PRKACB: variants seen among roughly 807,000 people sequenced by gnomAD.
PRKACB encodes the protein protein kinase cAMP-activated catalytic subunit beta, also known as cAMP-dependent protein kinase catalytic subunit beta.
Under a neutral mutation model 51.4 loss-of-function variants are expected in PRKACB, and 16 were observed. That is an observed-to-expected ratio of 0.31 (90% CI 0.21 to 0.47). The LOEUF is 0.47. Among genes scored for constraint, PRKACB ranks in the 20% least tolerant of loss-of-function variants. PRKACB has a pLI of 1.00. For missense variants in PRKACB, 309 were observed against 464.5 expected, an observed-to-expected ratio of 0.67 and a Z score of 3.08; for synonymous variants, 147 against 154.4, an observed-to-expected ratio of 0.95 and a Z score of 0.35.
At chr1:84,149,666 ATAATT>A (rs1408170619) in intron 1 of PRKACB, among the ~76,000 whole-genome samples, 2 of 152,192 alleles carry the variant, frequency 1.3e-5, no homozygotes, top group African/African-American at 4.8e-5. Context: ...AGGATATACT[ATAATT>A]TATTTAACCA....
chr1:84,133,638 T>G (rs1323227240), intron 1 of PRKACB, among the ~76,000 whole-genome samples: 1 of 152,168 alleles, frequency 6.6e-6, no homozygotes, highest in Non-Finnish European at 1.5e-5. Flanking sequence ...TTTACTCGGC[T>G]TCACTCGCTC....
chr1:84,081,540 C>T (rs888289312), intron 1 of PRKACB, among the ~76,000 whole-genome samples: 8 of 152,052 alleles, frequency 5.3e-5, no homozygotes, highest in African/African-American at 1.2e-4. Flanking sequence ...GTTATTTAAA[C>T]GTCAGCTAAT....
chr1:84,128,850 T>C (rs11163906), intron 1 of PRKACB, among the ~76,000 whole-genome samples: 68,927 of 152,050 alleles, frequency 0.45, 16,677 homozygotes, highest in Non-Finnish European at 0.56. Flanking sequence ...AAATGTTTGA[T>C]GTTGGCACTG....
In PRKACB at chr1:84,237,586, A is replaced by G. The variant is rs1456155477; in HGVS notation, c.*2281A>G. On this transcript the variant is annotated 3_prime_UTR_variant, in exon 10 of 10. Coordinates refer to ENST00000370685, the MANE Select transcript of PRKACB (RefSeq NM_182948.4). Reference sequence around the variant, plus strand: ...AAGCTTGTCATGAGCAAATATGTCAAGGGAGTCAATTTCTGACCAATCAAG... The same window carrying G: ...AAGCTTGTCATGAGCAAATATGTCAGGGGAGTCAATTTCTGACCAATCAAG... The G allele has an allele frequency of 6.6e-6, 1 of 152,264 alleles. No homozygotes were observed. The highest frequency in any genetic ancestry group is 1.5e-5 in the Non-Finnish European group (1 of 67,988). 9.4% of individuals were successfully genotyped at this position (152,264 alleles called of 1,614,324 possible). A position where few individuals can be genotyped will look rare whatever the true frequency, so the allele number is the denominator to read the frequency against.
Position 84,133,500 on chromosome 1 carries a change from G to A in PRKACB, c.47-45677G>A, listed in dbSNP as rs553358195. On this transcript the variant is annotated intron_variant, in intron 1 of 8. Coordinates refer to the PRKACB transcript ENST00000370688. Reference sequence around the variant, plus strand: ...TATAAAGTAACAGTAGGAACAACATGCTGGGTGATAATGAAACAGGAAGTT... The same window carrying A: ...TATAAAGTAACAGTAGGAACAACATACTGGGTGATAATGAAACAGGAAGTT... 1.2e-4 allele frequency among the ~76,000 whole-genome samples: 18 copies of A among 152,308 alleles called. No homozygotes were observed. In the South Asian group the frequency reaches 3.7e-3, roughly 32 times the overall value.
At chr1:84,119,024 G>T (rs1270290628) in intron 1 of PRKACB, among the ~76,000 whole-genome samples, 8 of 152,128 alleles carry the variant, frequency 5.3e-5, no homozygotes, top group African/African-American at 1.9e-4. Flanking sequence ...TTCAAGTGGT[G>T]AAACAGCATT....
At chr1:84,091,335 A>T (rs1648452646) in intron 1 of PRKACB, among the ~76,000 whole-genome samples, 1 of 152,204 alleles carries the variant, frequency 6.6e-6, no homozygotes. Context: ...TTAAGTATTA[A>T]CTTGAAGTTA....
chr1:84,094,741 C>A (rs985521839), intron 1 of PRKACB, among the ~76,000 whole-genome samples: 6 of 151,850 alleles, frequency 4.0e-5, no homozygotes, highest in African/African-American at 1.4e-4. Context: ...CACACTAAGA[C>A]AATTAATTCA....
At chr1:84,172,358 C>G (rs1362305179) in intron 1 of PRKACB, among the ~76,000 whole-genome samples, 4 of 151,666 alleles carry the variant, frequency 2.6e-5, no homozygotes, top group Non-Finnish European at 1.5e-5. Flanking sequence ...AAATATACTT[C>G]AAGGAGCATT....
intron 1 of PRKACB, among the ~76,000 whole-genome samples, chr1:84,165,457 G>A (rs1657108470): frequency 2.0e-5 from 3 of 151,600 alleles, no homozygotes; most frequent in African/African-American, 7.3e-5. Flanking sequence ...AAAATAAGAT[G>A]CTGCCAGAAT....
upstream of PRKACB, among the ~76,000 whole-genome samples, chr1:84,143,309 G>A (rs780155578): frequency 1.3e-5 from 2 of 152,126 alleles, no homozygotes; most frequent in Non-Finnish European, 1.5e-5. Flanking sequence ...AAAATTAGCC[G>A]GGCATGGTGG....
intron 1 of PRKACB, among the ~76,000 whole-genome samples, chr1:84,145,027 A>C (rs1441126615): frequency 6.6e-6 from 1 of 152,136 alleles, no homozygotes; most frequent in East Asian, 1.9e-4. Flanking sequence ...ACAAACAGGA[A>C]TTTCTAAAAT....
chr1:84,089,008 A>G (rs915533115), intron 1 of PRKACB, among the ~76,000 whole-genome samples: 4 of 152,200 alleles, frequency 2.6e-5, no homozygotes, highest in African/African-American at 9.6e-5. Flanking sequence ...CTTTGAGTCC[A>G]TTTTGGAAAT....
intron 1 of PRKACB, among the ~76,000 whole-genome samples, chr1:84,103,631 A>G (rs1440139214): frequency 6.6e-6 from 1 of 152,086 alleles, no homozygotes; most frequent in Admixed American, 6.6e-5. Flanking sequence ...CCCAGCTTAG[A>G]CCCCAGACAT....
chr1:84,095,373 G>A (rs937463434), intron 1 of PRKACB, among the ~76,000 whole-genome samples: 49 of 151,066 alleles, frequency 3.2e-4, no homozygotes, highest in African/African-American at 1.2e-3. Flanking sequence ...CTGGATTTGT[G>A]TATTTTTTAC....
At chr1:84,137,610 A>T (rs1652956359) in intron 1 of PRKACB, among the ~76,000 whole-genome samples, 1 of 152,218 alleles carries the variant, frequency 6.6e-6, no homozygotes, top group Non-Finnish European at 1.5e-5. Flanking sequence ...TACTGAAGCA[A>T]ATGGAGTTGA....
chr1:84,087,493 A>G (rs1198938840), intron 1 of PRKACB, among the ~76,000 whole-genome samples: 1 of 152,214 alleles, frequency 6.6e-6, no homozygotes, highest in Non-Finnish European at 1.5e-5. Flanking sequence ...TGTGTTTACA[A>G]ATTCAGGTAG....
chr1:84,219,039 C>A (rs1416703332), intron 9 of PRKACB, among the ~76,000 whole-genome samples: 1 of 152,068 alleles, frequency 6.6e-6, no homozygotes, highest in African/African-American at 2.4e-5. Context: ...GCATATTAGT[C>A]CCTTCTTGGA....
At chr1:84,194,919 G>GA (rs1306479061) in intron 5 of PRKACB, among the ~76,000 whole-genome samples, 2 of 150,472 alleles carry the variant, frequency 1.3e-5, no homozygotes, top group African/African-American at 4.9e-5. Context: ...GACAGAGTAA[G>GA]AAAAAAAAAG....
Sources: allele counts gnomAD v4.1 joint callset (sites outside exome capture counted in the v4.1 genomes callset), GRCh38; gene constraint gnomAD v4.1.1; transcripts MANE v1.5; gene names NCBI Gene and HGNC (gene_info 2026-07-23, HGNC 2026-07-21).